MAP6: variants seen among roughly 807,000 people sequenced by gnomAD.
The protein encoded by MAP6 is microtubule associated protein 6, also known as microtubule-associated protein 6.
A neutral mutation model predicts 42.4 loss-of-function variants in MAP6; 26 were observed. The observed-to-expected ratio is 0.61, with a 90% CI of 0.45 to 0.85. MAP6 has a LOEUF of 0.85. Ranked by LOEUF, MAP6 falls within the 40% of genes least tolerant of loss-of-function variation. MAP6 has a pLI of 0.00. For missense variants in MAP6, 966 were observed against 1,099.0 expected (o/e 0.88, Z 1.71); for synonymous variants, 418 against 443.8 (o/e 0.94, Z 0.73).
intron 1 of MAP6, among the ~76,000 whole-genome samples, chr11:75,658,226 G>A (rs1024631070): frequency 1.3e-5 from 2 of 152,178 alleles, no homozygotes; most frequent in African/African-American, 4.8e-5. Flanking sequence ...AGCTTGAATA[G>A]ATAATGCTAA....
intron 1 of MAP6, among the ~76,000 whole-genome samples, chr11:75,648,297 C>A (rs1943594503): frequency 6.6e-6 from 1 of 152,196 alleles, no homozygotes; most frequent in African/African-American, 2.4e-5. Flanking sequence ...AGTTCAAGAC[C>A]AGCCTGAGCA....
At chr11:75,619,324 A>G (rs1330406988) in intron 1 of MAP6, among the ~76,000 whole-genome samples, 2 of 152,242 alleles carry the variant, frequency 1.3e-5, no homozygotes, top group Non-Finnish European at 2.9e-5. Flanking sequence ...TGAATTCACA[A>G]TTTTAAATCT....
chr11:75,615,133 G>A (rs1330488160), intron 1 of MAP6, among the ~76,000 whole-genome samples: 1 of 152,218 alleles, frequency 6.6e-6, no homozygotes, highest in Non-Finnish European at 1.5e-5. Context: ...AGTGCAGACA[G>A]AGGTTAACAG....
intron 1 of MAP6, among the ~76,000 whole-genome samples, chr11:75,658,167 A>G (rs1289683639): frequency 6.6e-6 from 1 of 152,164 alleles, no homozygotes; most frequent in Non-Finnish European, 1.5e-5. Flanking sequence ...CATTTCTGTT[A>G]GGTAGATACT....
At chr11:75,648,541 A>G (rs1943598578) in intron 1 of MAP6, among the ~76,000 whole-genome samples, 1 of 152,200 alleles carries the variant, frequency 6.6e-6, no homozygotes, top group Non-Finnish European at 1.5e-5. Flanking sequence ...AATTATTGGA[A>G]GAAAATAGTG....
intron 3 of MAP6, among the ~76,000 whole-genome samples, chr11:75,597,807 G>A (rs1942607452): frequency 6.6e-6 from 1 of 152,200 alleles, no homozygotes; most frequent in South Asian, 2.1e-4. Context: ...CTGGGGGACG[G>A]GAAGAGGCAG....
At chr11:75,662,156 C>T (rs1446270650) in intron 1 of MAP6, among the ~76,000 whole-genome samples, 1 of 152,048 alleles carries the variant, frequency 6.6e-6, no homozygotes, top group Non-Finnish European at 1.5e-5. Flanking sequence ...ATATGTGACC[C>T]TTATGTGATA....
chr11:75,605,057 GCCT>G, intron 3 of MAP6: 1 of 985,452 alleles, frequency 1.0e-6, no homozygotes, highest in Non-Finnish European at 1.2e-6. Context: ...GAGGAAAACA[GCCT>G]CCTCATTTCT....
chr11:75,626,048 G>GT, intron 1 of MAP6, among the ~76,000 whole-genome samples: 1 of 152,046 alleles, frequency 6.6e-6, no homozygotes, highest in Non-Finnish European at 1.5e-5. Context: ...GACCTCACAC[G>GT]TATCACCTCT....
chr11:75,617,539 A>AC (rs1400803159), intron 1 of MAP6, among the ~76,000 whole-genome samples: 1 of 150,446 alleles, frequency 6.6e-6, no homozygotes, highest in Admixed American at 6.6e-5. Flanking sequence ...AAAAAAAAAA[A>AC]AACCCAAAAA....
chr11:75,595,556 A>AT (rs1450496344), intron 3 of MAP6, among the ~76,000 whole-genome samples: 3 of 152,102 alleles, frequency 2.0e-5, no homozygotes, highest in African/African-American at 7.2e-5. Context: ...CCTGGAGTCT[A>AT]TACCTCCAAT....
chr11:75,642,623 A>G (rs12576629), intron 1 of MAP6: 9,482 of 187,780 alleles, frequency 0.05, 320 homozygotes, highest in East Asian at 0.14. Context: ...CCCATTCATC[A>G]TTGTTTGGAA....
rs186486532 is a variant in MAP6, at chr11:75,651,731, G to A, written c.905+15734C>T. 5.2e-3 allele frequency among the ~76,000 whole-genome samples: 799 copies of A among 152,324 alleles called. 3 individuals are homozygous for A. Among genetic ancestry groups the A allele is most frequent in the Non-Finnish European group, 6.8e-3 (464 of 68,032 alleles). Reference sequence around the variant, plus strand: ...CTTCCCATTGCTATTCAGTTGTAAGGAAACAAGAGAATGACTATGTCACTT... The same window carrying A: ...CTTCCCATTGCTATTCAGTTGTAAGAAAACAAGAGAATGACTATGTCACTT... On this transcript the variant is annotated intron_variant, in intron 1 of 3. Coordinates refer to ENST00000304771, the MANE Select transcript of MAP6 (RefSeq NM_033063.2).
At chr11:75,631,634 T>G (rs1266152700) in intron 1 of MAP6, among the ~76,000 whole-genome samples, 1 of 152,198 alleles carries the variant, frequency 6.6e-6, no homozygotes, top group African/African-American at 2.4e-5. Flanking sequence ...AGGCTGGTGA[T>G]GAGATGATCA....
intron 1 of MAP6, among the ~76,000 whole-genome samples, chr11:75,635,342 A>G (rs1395030063): frequency 6.6e-6 from 1 of 152,226 alleles, no homozygotes; most frequent in Non-Finnish European, 1.5e-5. Flanking sequence ...TACATCTGCC[A>G]TGAGGGTTAA....
chr11:75,664,562 T>A (rs1170829980), intron 1 of MAP6, among the ~76,000 whole-genome samples: 1 of 152,234 alleles, frequency 6.6e-6, no homozygotes, highest in Non-Finnish European at 1.5e-5. Flanking sequence ...ACACCATAAT[T>A]TATGTAGAAT....
Position 75,668,935 on chromosome 11 carries a change from C to T in MAP6, c.-566G>A. 1 of 172,848 alleles carries T rather than the reference C, an allele frequency of 5.8e-6. No homozygotes were observed. Among genetic ancestry groups the T allele is most frequent in the Non-Finnish European group, 1.2e-5 (1 of 80,436 alleles). The allele number at this position is 172,848 out of a possible 1,614,324, so 10.7% of individuals were successfully genotyped here. A position where few individuals can be genotyped will look rare whatever the true frequency, so the allele number is the denominator to read the frequency against. On this transcript the variant is annotated 5_prime_UTR_variant, in exon 1 of 4. Transcript: ENST00000304771. ...AGGATGCCGCAGCCGCCGCCGCCAC[C>T]GCCTCTTCTCCTGGGAAGCGACCCC... is the stretch of plus-strand genomic sequence containing the variant.
chr11:75,591,657 A>G (rs117080944), intron 3 of MAP6, among the ~76,000 whole-genome samples: 1,915 of 152,310 alleles, frequency 0.013, 17 homozygotes, highest in South Asian at 0.046. Flanking sequence ...TCAGCAGCAT[A>G]TGTTCTCAAG....
At position 75,669,025 on chromosome 11, in the gene MAP6, C is replaced by T. The variant is rs1445508277; in HGVS notation, c.-656G>A. On this transcript the variant is annotated 5_prime_UTR_variant, in exon 1 of 4. Transcript: ENST00000304771. ...AATGATGCTGCAGCCGCTGCCGCCG[C>T]CGCCTCTGCCTCTGCTGCAGGGAAG... 6.1e-6 allele frequency: 1 copy of T among 164,002 alleles called. No individual in the cohort carries two copies. The allele number at this position is 164,002 out of a possible 1,614,324, so 10.2% of individuals were successfully genotyped here. A position where few individuals can be genotyped will look rare whatever the true frequency, so the allele number is the denominator to read the frequency against.
Sources: gnomAD v4.1 joint callset for allele counts (sites outside exome capture counted in the v4.1 genomes callset) on GRCh38, gnomAD v4.1.1 for gene constraint, MANE v1.5 for transcripts, NCBI Gene and HGNC (gene_info 2026-07-23, HGNC 2026-07-21) for gene names.